Variants in PDE12 observed in about 807,000 individuals in gnomAD.
The protein encoded by PDE12 is 2',5'-phosphodiesterase 12.
In PDE12, 26 loss-of-function variants were observed where a neutral mutation model predicts 45.4. The ratio of observed to expected loss-of-function variants is 0.57; its 90% CI spans 0.42 to 0.79. The LOEUF (loss-of-function observed/expected upper bound fraction) is 0.79. PDE12 is among the 30% of genes least tolerant of loss of function. The pLI, the probability that PDE12 is intolerant of heterozygous loss-of-function variation, is 0.00. For synonymous variants in PDE12, 283 were observed against 323.9 expected, an observed-to-expected ratio of 0.87 and a Z score of 1.36; for missense variants, 668 against 790.0, an observed-to-expected ratio of 0.85 and a Z score of 1.85.
chr3:57,583,971 C>CA, the PDE12 span: 1 of 1,612,738 alleles, frequency 6.2e-7, no homozygotes. Flanking sequence ...TACTGTGAAA[C>CA]AAATGTTCTT....
downstream of PDE12, among the ~76,000 whole-genome samples, chr3:57,570,164 C>T (rs956158480): frequency 4.0e-5 from 6 of 151,014 alleles, no homozygotes; most frequent in South Asian, 1.0e-3. Context: ...ACTAAACATA[C>T]ACTTTGCCCT....
At chr3:57,583,512 G>A in the PDE12 span, among the ~76,000 whole-genome samples, 1 of 152,096 alleles carries the variant, frequency 6.6e-6, no homozygotes, top group South Asian at 2.1e-4. Flanking sequence ...ATTTAATAAA[G>A]TAAACAAGTA....
the PDE12 span, among the ~76,000 whole-genome samples, chr3:57,616,855 C>T: frequency 6.6e-6 from 1 of 152,000 alleles, no homozygotes; most frequent in Admixed American, 6.6e-5. Flanking sequence ...GAAACTCCAT[C>T]TCTACTAAAA....
At chr3:57,573,834 C>T in the PDE12 span, among the ~76,000 whole-genome samples, 1 of 152,136 alleles carries the variant, frequency 6.6e-6, no homozygotes, top group South Asian at 2.1e-4. Context: ...CGCCCACCTT[C>T]GCCTCCCAAA....
At chr3:57,588,186 G>A in the PDE12 span, among the ~76,000 whole-genome samples, 3 of 152,158 alleles carry the variant, frequency 2.0e-5, no homozygotes, top group Admixed American at 6.5e-5. Context: ...ACAAGCAACT[G>A]TATTTAAAGA....
the PDE12 span, among the ~76,000 whole-genome samples, chr3:57,612,600 G>C: frequency 2.0e-5 from 3 of 151,748 alleles, no homozygotes; most frequent in Non-Finnish European, 4.4e-5. Flanking sequence ...GTGAAACCCC[G>C]TGTCTACTAA....
chr3:57,628,925 T>C, the PDE12 span: 3 of 1,567,416 alleles, frequency 1.9e-6, no homozygotes, highest in Non-Finnish European at 2.6e-6. Context: ...GTTCTCAAAA[T>C]AATATTCAAA....
chr3:57,593,782 C>A, the PDE12 span, among the ~76,000 whole-genome samples: 9 of 152,104 alleles, frequency 5.9e-5, no homozygotes, highest in Admixed American at 3.9e-4. Context: ...CGCCCTGTAA[C>A]CCTAGCACTT....
chr3:57,572,121 C>T, the PDE12 span: 1 of 978,052 alleles, frequency 1.0e-6, no homozygotes, highest in Admixed American at 1.7e-5. Flanking sequence ...GTCCCAGATA[C>T]TGTTTAATAA....
At chr3:57,607,014 A>T in the PDE12 span, among the ~76,000 whole-genome samples, 1 of 152,142 alleles carries the variant, frequency 6.6e-6, no homozygotes, top group East Asian at 1.9e-4. Flanking sequence ...GCAGACTGAC[A>T]CCCCACACAG....
the PDE12 span, among the ~76,000 whole-genome samples, chr3:57,583,698 A>G: frequency 6.6e-6 from 1 of 152,140 alleles, no homozygotes; most frequent in Non-Finnish European, 1.5e-5. Context: ...ACTTACCGCA[A>G]TTGCTTTACA....
At chr3:57,645,217 C>T in the PDE12 span, among the ~76,000 whole-genome samples, 1 of 152,012 alleles carries the variant, frequency 6.6e-6, no homozygotes, top group Non-Finnish European at 1.5e-5. Flanking sequence ...AATCCCAGCA[C>T]TTTGTGAGGC....
chr3:57,567,837 C>T (rs1025027157), downstream of PDE12, among the ~76,000 whole-genome samples: 4 of 151,988 alleles, frequency 2.6e-5, no homozygotes, highest in Non-Finnish European at 5.9e-5. Flanking sequence ...TGGCTCACAC[C>T]TGTAATCCCA....
At chr3:57,606,260 A>G in the PDE12 span, among the ~76,000 whole-genome samples, 1 of 152,224 alleles carries the variant, frequency 6.6e-6, no homozygotes, top group Non-Finnish European at 1.5e-5. Flanking sequence ...CTTAGGAACC[A>G]TATAGGAACA....
the PDE12 span, among the ~76,000 whole-genome samples, chr3:57,618,163 GA>G: frequency 6.6e-6 from 1 of 152,016 alleles, no homozygotes; most frequent in Non-Finnish European, 1.5e-5. Flanking sequence ...GGCAACAGTT[GA>G]AAAAATACTT....
At chr3:57,620,231 GAAAGAAAA>G in the PDE12 span, among the ~76,000 whole-genome samples, 1 of 151,860 alleles carries the variant, frequency 6.6e-6, no homozygotes, top group Non-Finnish European at 1.5e-5. Context: ...CAAGAAAACA[GAAAGAAAA>G]ATTTAATGCT....
At chr3:57,634,470 A>G in the PDE12 span, 3 of 641,820 alleles carry the variant, frequency 4.7e-6, no homozygotes, top group Non-Finnish European at 6.9e-6. Context: ...CCTATTTCAC[A>G]TTAGTATACA....
intron 1 of PDE12, among the ~76,000 whole-genome samples, chr3:57,558,565 A>G (rs1210427059): frequency 6.6e-6 from 1 of 152,122 alleles, no homozygotes; most frequent in East Asian, 1.9e-4. Flanking sequence ...ATATCGGCTC[A>G]CCGCAACTTC....
chr3:57,587,947 G>A, the PDE12 span, among the ~76,000 whole-genome samples: 1 of 152,088 alleles, frequency 6.6e-6, no homozygotes, highest in South Asian at 2.1e-4. Context: ...TTTAATGCAC[G>A]AATTAAACAT....
Sources: allele counts gnomAD v4.1 joint callset (sites outside exome capture counted in the v4.1 genomes callset), GRCh38; gene constraint gnomAD v4.1.1; transcripts MANE v1.5; gene names NCBI Gene and HGNC (gene_info 2026-07-23, HGNC 2026-07-21).